Variants in RYR3 observed in about 807,000 individuals in gnomAD.
RYR3 encodes brain ryanodine receptor-calcium release channel.
In RYR3, 207 loss-of-function variants were observed where a neutral mutation model predicts 584.3. That is an observed-to-expected ratio of 0.35 (90% CI 0.32 to 0.40). RYR3 has a LOEUF of 0.40. Among genes scored for constraint, RYR3 ranks in the 10% least tolerant of loss-of-function variants. RYR3 has a pLI of 1.00. For synonymous variants in RYR3, 2,416 were observed against 2,248.5 expected, an observed-to-expected ratio of 1.07 and a Z score of -2.11; for missense variants, 5,616 against 6,089.2, an observed-to-expected ratio of 0.92 and a Z score of 2.59.
chr15:33,370,055 A>G (rs2040216059), intron 1 of RYR3, among the ~76,000 whole-genome samples: 1 of 152,186 alleles, frequency 6.6e-6, no homozygotes, highest in African/African-American at 2.4e-5. Context: ...GCTTATTTAA[A>G]TGTTTCTGTG....
At chr15:33,735,361 G>A (rs1353176922) in intron 48 of RYR3, among the ~76,000 whole-genome samples, 1 of 152,208 alleles carries the variant, frequency 6.6e-6, no homozygotes, top group Middle Eastern at 3.2e-3. Context: ...GACGACTTTT[G>A]TTCTCCATCT....
chr15:33,361,275 A>G (rs911657459), intron 1 of RYR3, among the ~76,000 whole-genome samples: 2 of 152,232 alleles, frequency 1.3e-5, no homozygotes, highest in African/African-American at 4.8e-5. Context: ...TGCTGAACAC[A>G]TGATGCAGAA....
At chr15:33,384,659 CCTTA>C (rs2041461464) in intron 1 of RYR3, among the ~76,000 whole-genome samples, 1 of 122,440 alleles carries the variant, frequency 8.2e-6, no homozygotes, top group Admixed American at 9.2e-5. Context: ...TTAACCTATC[CCTTA>C]CTTCACATAC....
rs1197332112 is a variant in RYR3, at chr15:33,818,803, C to T, written c.10706+119C>T. The T allele has an allele frequency of 5.3e-5, 37 of 698,232 alleles. No homozygotes were observed. In the East Asian group the frequency reaches 9.5e-4, roughly 18 times the overall value. 43.3% of individuals were successfully genotyped at this position (698,232 alleles called of 1,614,324 possible). On this transcript the variant is annotated intron_variant, in intron 76 of 103. Coordinates refer to ENST00000634891, the MANE Select transcript of RYR3 (RefSeq NM_001036.6). ...GGGAAGCTAGATTTGAGCAGCCCTC[C>T]TTGCTGCCTTATATTTGGCCATCAA... is the stretch of plus-strand genomic sequence containing the variant.
chr15:33,451,705 C>T (rs2047145694), intron 1 of RYR3, among the ~76,000 whole-genome samples: 1 of 152,128 alleles, frequency 6.6e-6, no homozygotes, highest in South Asian at 2.1e-4. Context: ...GATGGAATCC[C>T]ATGCAAAGTG....
chr15:33,362,289 C>G (rs953437165), intron 1 of RYR3, among the ~76,000 whole-genome samples: 12 of 152,096 alleles, frequency 7.9e-5, no homozygotes, highest in Non-Finnish European at 5.9e-5. Context: ...CTGATGTTAA[C>G]CTGTCTTCTC....
intron 17 of RYR3, 139 bp from the exon 18 acceptor site, chr15:33,602,984 C>T (rs1419014756): frequency 3.4e-6 from 3 of 875,404 alleles, no homozygotes; most frequent in African/African-American, 1.7e-5. Context: ...AGATCCCTCC[C>T]ATCTTTTGAG....
chr15:33,843,225 C>T (rs978844064), intron 91 of RYR3, among the ~76,000 whole-genome samples: 2 of 152,004 alleles, frequency 1.3e-5, no homozygotes, highest in Non-Finnish European at 2.9e-5. Context: ...GAGGCTGAGA[C>T]AGGAGAATGG....
intron 38 of RYR3, among the ~76,000 whole-genome samples, chr15:33,675,024 G>A (rs1208846758): frequency 6.6e-6 from 1 of 152,234 alleles, no homozygotes; most frequent in East Asian, 1.9e-4. Flanking sequence ...GAACCCAGGA[G>A]GCGGAGCTTG....
intron 1 of RYR3, among the ~76,000 whole-genome samples, chr15:33,380,434 A>C (rs1442397842): frequency 6.6e-6 from 1 of 152,204 alleles, no homozygotes; most frequent in Non-Finnish European, 1.5e-5. Flanking sequence ...ATTTTCTGGC[A>C]GGGGACATTT....
intron 16 of RYR3, among the ~76,000 whole-genome samples, chr15:33,590,253 C>T (rs1055766979): frequency 2.0e-5 from 3 of 152,162 alleles, no homozygotes; most frequent in African/African-American, 7.2e-5. Flanking sequence ...TGATTCTTCA[C>T]TTGCTTCAGG....
chr15:33,778,513 C>G (rs2074169495), intron 64 of RYR3, among the ~76,000 whole-genome samples: 1 of 152,216 alleles, frequency 6.6e-6, no homozygotes, highest in Non-Finnish European at 1.5e-5. Context: ...TGATGCCCCT[C>G]TTCCCACACC....
At chr15:33,329,453 G>C (rs1595732261) in intron 1 of RYR3, among the ~76,000 whole-genome samples, 1 of 152,280 alleles carries the variant, frequency 6.6e-6, no homozygotes, top group East Asian at 1.9e-4. Flanking sequence ...GATCTATGTA[G>C]GGTTTTAAAG....
intron 92 of RYR3, 131 bp downstream of exon 92, chr15:33,843,705 A>C (rs546456516): frequency 1.6e-6 from 1 of 643,892 alleles, no homozygotes; most frequent in African/African-American, 1.8e-5. Flanking sequence ...AATTTCTAAG[A>C]CATTGGCTTC....
chr15:33,550,363 C>G, intron 10 of RYR3, 47 bp downstream of exon 10: 2 of 1,548,798 alleles, frequency 1.3e-6, no homozygotes, highest in Non-Finnish European at 1.7e-6. Flanking sequence ...AAAGTGAAAA[C>G]TCAGAAACCT....
At chr15:33,852,865 C>T (rs1297734767) in intron 94 of RYR3, 180 bp from the exon 95 acceptor site, 1 of 571,974 alleles carries the variant, frequency 1.7e-6, no homozygotes, top group African/African-American at 1.9e-5. Context: ...GTAATGAAGC[C>T]ATACATGACT....
intron 1 of RYR3, among the ~76,000 whole-genome samples, chr15:33,416,038 C>CT (rs900726364): frequency 2.6e-4 from 40 of 152,136 alleles, no homozygotes; most frequent in Non-Finnish European, 3.1e-4. Flanking sequence ...TGATTTCATT[C>CT]TTTTTTATGG....
In RYR3 at chr15:33,750,064, G is replaced by A. The variant is rs537659425; in HGVS notation, c.8275+10G>A. The A allele has an allele frequency of 2.5e-6, 4 of 1,610,672 alleles. No individual in the cohort carries two copies. Among genetic ancestry groups the A allele is most frequent in the East Asian group, 4.5e-5 (2 of 44,774 alleles). ...GAGCTGGAGAGCAAAGGTGAGTGAG[G>A]TTCACAGCATCCCCTAAAGAAGCTG... On this transcript the variant is annotated intron_variant, in intron 56 of 103. Coordinates refer to ENST00000634891, the MANE Select transcript of RYR3 (RefSeq NM_001036.6).
Position 33,502,155 on chromosome 15 carries a change from A to G in RYR3, c.172-1476A>G, listed in dbSNP as rs539130392. Among the ~76,000 whole-genome samples the G allele has an allele frequency of 2.6e-5, 4 of 152,310 alleles. No individual in the cohort carries two copies. The South Asian group carries it at 8.3e-4, about 32-fold the overall frequency. ...AGCCTTTGGAATAGGATTGTCCATT[A>G]CTGGCTTAAAACTTTAATAAAGGAA... On this transcript the variant is annotated intron_variant, in intron 2 of 103. Coordinates refer to ENST00000634891, the MANE Select transcript of RYR3 (RefSeq NM_001036.6).
Sources: allele counts gnomAD v4.1 joint callset (sites outside exome capture counted in the v4.1 genomes callset), GRCh38; gene constraint gnomAD v4.1.1; transcripts MANE v1.5; gene names NCBI Gene and HGNC (gene_info 2026-07-23, HGNC 2026-07-21).